CCDC122: variants seen among roughly 807,000 people sequenced by gnomAD.
The protein encoded by CCDC122 is coiled-coil domain containing 122.
A neutral mutation model predicts 37.0 loss-of-function variants in CCDC122; 38 were observed. The ratio of observed to expected loss-of-function variants is 1.03; its 90% CI spans 0.79 to 1.35. CCDC122 has a LOEUF of 1.35. Among genes scored for constraint, CCDC122 ranks in the 40% most tolerant of loss-of-function variants. CCDC122 has a pLI of 0.00. For synonymous variants in CCDC122, 83 were observed against 95.6 expected (o/e 0.87, Z 0.77); for missense variants, 305 against 310.0 (o/e 0.98, Z 0.12).
Position 43,853,547 on chromosome 13 carries a change from T to G in CCDC122, c.672+5234A>C, listed in dbSNP as rs144711928. 3.3e-5 allele frequency among the ~76,000 whole-genome samples: 5 copies of G among 152,184 alleles called. No individual in the cohort carries two copies. In the East Asian group the frequency reaches 9.7e-4, roughly 29 times the overall value. On this transcript the variant is annotated intron_variant, in intron 6 of 6. Transcript: ENST00000444614. ...ACCCCCACACAATAATGGTGGGAGA[T>G]TCTAACACCCCACTAACAATATTAG...
chr13:43,856,238 G>GTAC (rs1346209156), intron 6 of CCDC122: 3 of 152,236 alleles, frequency 2.0e-5, no homozygotes, highest in Admixed American at 1.3e-4. Flanking sequence ...TAACTAATGG[G>GTAC]TACTAGGCTT....
At chr13:43,819,965 T>TG (rs33947530), downstream of CCDC122, among the ~76,000 whole-genome samples, 1 of 1,886 alleles carries the variant, frequency 5.3e-4, no homozygotes, top group Non-Finnish European at 0.015. Flanking sequence ...AAACCTGAAG[T>TG]TTTTTTTATT....
chr13:43,830,475 A>G (rs1953079427), intron 3 of CCDC122, among the ~76,000 whole-genome samples: 1 of 152,210 alleles, frequency 6.6e-6, no homozygotes, highest in Admixed American at 6.5e-5. Flanking sequence ...CAAGACTGGT[A>G]AGGAGAAAAG....
At chr13:43,850,390 A>G (rs1953684722) in intron 6 of CCDC122, among the ~76,000 whole-genome samples, 2 of 152,246 alleles carry the variant, frequency 1.3e-5, no homozygotes, top group South Asian at 2.1e-4. Flanking sequence ...AGCATTTTAA[A>G]GCCTCTGTCA....
At chr13:43,852,017 T>C (rs1206883298) in intron 6 of CCDC122, among the ~76,000 whole-genome samples, 2 of 150,316 alleles carry the variant, frequency 1.3e-5, no homozygotes, top group Non-Finnish European at 2.9e-5. Context: ...ATGAGGAGCA[T>C]AAGCCCATAA....
In CCDC122 at chr13:43,837,188, G is replaced by A. The variant is rs893816049; in HGVS notation, c.*92C>T. On this transcript the variant is annotated 3_prime_UTR_variant, in exon 7 of 7. Transcript: ENST00000444614. ...TTAAGACAGGTCTCTAATAGTGGAT[G>A]CTTGTTATTAAGAATCCAAAAGATT... The A allele has an allele frequency of 1.8e-5, 22 of 1,249,518 alleles. No individual in the cohort carries two copies. Among genetic ancestry groups the A allele is most frequent in the Non-Finnish European group, 2.3e-5 (21 of 897,734 alleles). The allele number at this position is 1,249,518 out of a possible 1,614,324, so 77.4% of individuals were successfully genotyped here.
chr13:43,849,485 T>G (rs1337203), intron 6 of CCDC122, among the ~76,000 whole-genome samples: 57,115 of 152,048 alleles, frequency 0.38, 10,996 homozygotes, highest in East Asian at 0.53. Flanking sequence ...GAAGGCAAAC[T>G]GTTTAGGGAA....
chr13:43,831,782 A>C (rs964538252), downstream of CCDC122, among the ~76,000 whole-genome samples: 3 of 152,170 alleles, frequency 2.0e-5, no homozygotes, highest in African/African-American at 7.2e-5. Context: ...TTCTTTTGGA[A>C]TACATCATCT....
intron 6 of CCDC122, among the ~76,000 whole-genome samples, chr13:43,840,570 T>C (rs937556650): frequency 2.0e-5 from 3 of 152,044 alleles, no homozygotes; most frequent in African/African-American, 7.3e-5. Context: ...TGATGTGATG[T>C]TCCCCTTCCT....
chr13:43,843,265 G>C (rs976035138), intron 6 of CCDC122, among the ~76,000 whole-genome samples: 1 of 151,978 alleles, frequency 6.6e-6, no homozygotes, highest in Non-Finnish European at 1.5e-5. Flanking sequence ...AAAATTTGTT[G>C]AGAGTGTTGA....
At chr13:43,836,211 T>C (rs1480838593), downstream of CCDC122, 2 of 152,244 alleles carry the variant, frequency 1.3e-5, no homozygotes, top group African/African-American at 4.8e-5. Flanking sequence ...AGGAGCACGT[T>C]TATCTTGAAA....
rs1018397687 is a variant in CCDC122 at position 43,837,148 on chromosome 13, C to T, written c.*132G>A. 4 of 854,372 alleles carry T rather than the reference C, an allele frequency of 4.7e-6. No individual in the cohort carries two copies. Among genetic ancestry groups the T allele is most frequent in the African/African-American group, 3.4e-5 (2 of 58,618 alleles). The allele number at this position is 854,372 out of a possible 1,614,324, so 52.9% of individuals were successfully genotyped here. ...TGACTGATTTAAAAAAAACAACAAC[C>T]GAAGACATCTGTCATTAAGACAGGT... On this transcript the variant is annotated 3_prime_UTR_variant, in exon 7 of 7. Transcript: ENST00000444614.
downstream of CCDC122, among the ~76,000 whole-genome samples, chr13:43,833,844 G>T (rs1594811810): frequency 6.6e-6 from 1 of 152,142 alleles, no homozygotes; most frequent in Non-Finnish European, 1.5e-5. Flanking sequence ...ATTTTGAACT[G>T]AATATTTACC....
Position 43,837,205 on chromosome 13 carries a change from CAAAAGATTTTCTT to C in CCDC122, c.*62_*74del, listed in dbSNP as rs1224761772. On this transcript the variant is annotated 3_prime_UTR_variant, in exon 7 of 7. Coordinates refer to ENST00000444614, the MANE Select transcript of CCDC122 (RefSeq NM_144974.5). ...TAGTGGATGCTTGTTATTAAGAATC[CAAAAGATTTTCTT>C]AATGTTCTGTCCAGTAATTTTTGTT... is the stretch of plus-strand genomic sequence containing the variant. 42 of 1,413,806 alleles carry C rather than the reference CAAAAGATTTTCTT, an allele frequency of 3.0e-5. No homozygotes were observed. The highest frequency in any genetic ancestry group is 1.8e-4 in the Middle Eastern group (1 of 5,406). 87.6% of individuals were successfully genotyped at this position (1,413,806 alleles called of 1,614,324 possible).
chr13:43,859,605 A>G, intron 5 of CCDC122, 67 bp downstream of exon 5: 1 of 1,191,078 alleles, frequency 8.4e-7, no homozygotes, highest in Non-Finnish European at 1.1e-6. Flanking sequence ...TAAATTTATC[A>G]TTTAATGTAT....
intron 6 of CCDC122, among the ~76,000 whole-genome samples, chr13:43,839,285 A>G (rs12430925): frequency 0.015 from 2,221 of 152,252 alleles, 89 homozygotes; most frequent in East Asian, 0.082. Context: ...CCATGAATCT[A>G]GTTTCTCCTT....
chr13:43,862,831 G>C (rs1954152848), intron 4 of CCDC122, among the ~76,000 whole-genome samples: 1 of 151,890 alleles, frequency 6.6e-6, no homozygotes. Flanking sequence ...TCTCTTTCTT[G>C]GACTAATGTA....
At chr13:43,855,156 T>C (rs1286900038) in intron 6 of CCDC122, 1 of 151,988 alleles carries the variant, frequency 6.6e-6, no homozygotes, top group East Asian at 1.9e-4. Context: ...AAATAAAACA[T>C]ATACAAATAA....
At chr13:43,871,507 G>A (rs1954452078) in intron 2 of CCDC122, among the ~76,000 whole-genome samples, 1 of 151,956 alleles carries the variant, frequency 6.6e-6, no homozygotes, top group Non-Finnish European at 1.5e-5. Context: ...ATTAACTTCA[G>A]TCTTCAGAAG....
Sources: gnomAD v4.1 joint callset for allele counts (sites outside exome capture counted in the v4.1 genomes callset) on GRCh38, gnomAD v4.1.1 for gene constraint, MANE v1.5 for transcripts, NCBI Gene and HGNC (gene_info 2026-07-23, HGNC 2026-07-21) for gene names.